Variants in KANK1 observed in about 807,000 individuals in gnomAD.
KANK1 encodes the protein KN motif and ankyrin repeat domain-containing protein 1.
A neutral mutation model predicts 106.2 loss-of-function variants in KANK1; 109 were observed. The observed-to-expected ratio is 1.03, with a 90% CI of 0.88 to 1.20. The LOEUF (loss-of-function observed/expected upper bound fraction) is 1.20, where lower values mean the gene tolerates loss of function less well. Among genes scored for constraint, KANK1 ranks in the 50% most tolerant of loss-of-function variants. The pLI is 0.00. For synonymous variants in KANK1, 873 were observed against 652.2 expected (o/e 1.34, Z -5.16); for missense variants, 2,399 against 1,710.7 (o/e 1.40, Z -7.10).
At chr9:485,624 A>G (rs1397129972) in intron 3 of KANK1, among the ~76,000 whole-genome samples, 1 of 152,106 alleles carries the variant, frequency 6.6e-6, no homozygotes, top group Non-Finnish European at 1.5e-5. Flanking sequence ...TGTAATCCCA[A>G]CACTTTGAGA....
intron 1 of KANK1, among the ~76,000 whole-genome samples, chr9:670,510 G>A (rs890683292): frequency 6.6e-6 from 1 of 152,160 alleles, no homozygotes; most frequent in Non-Finnish European, 1.5e-5. Context: ...TGCCTGGCTG[G>A]AATGGGGGAG....
At chr9:714,901 C>T (rs1287975700) in intron 3 of KANK1, among the ~76,000 whole-genome samples, 1 of 152,182 alleles carries the variant, frequency 6.6e-6, no homozygotes, top group Non-Finnish European at 1.5e-5. Context: ...GTTTCTGGCT[C>T]TCCAATTCTC....
intron 1 of KANK1, among the ~76,000 whole-genome samples, chr9:505,547 C>G (rs373195003): frequency 6.6e-6 from 1 of 152,216 alleles, no homozygotes; most frequent in East Asian, 1.9e-4. Context: ...GCTCCTTGAC[C>G]GTTCATCTCC....
chr9:731,493 C>T (rs1024421853), intron 5 of KANK1: 6 of 385,300 alleles, frequency 1.6e-5, no homozygotes, highest in African/African-American at 8.3e-5. Flanking sequence ...GAGCGGTTTA[C>T]ATCTCCTCAC....
intron 1 of KANK1, among the ~76,000 whole-genome samples, chr9:508,990 T>C (rs1587352266): frequency 6.6e-6 from 1 of 152,378 alleles, no homozygotes; most frequent in African/African-American, 2.4e-5. Context: ...TCTGAAGTGG[T>C]TGTAGAGTTT....
chr9:493,868 T>C (rs1165695318), intron 3 of KANK1, among the ~76,000 whole-genome samples: 1 of 148,884 alleles, frequency 6.7e-6, no homozygotes, highest in Admixed American at 6.7e-5. Context: ...TAGCAATAAA[T>C]ACTAATAGTT....
chr9:634,036 A>G (rs1256588556), intron 1 of KANK1, among the ~76,000 whole-genome samples: 1 of 152,250 alleles, frequency 6.6e-6, no homozygotes, highest in African/African-American at 2.4e-5. Context: ...TCATAAGTTC[A>G]GAAATGAACT....
intron 2 of KANK1, among the ~76,000 whole-genome samples, chr9:697,301 C>CAGAT (rs1821559507): frequency 6.6e-6 from 1 of 152,138 alleles, no homozygotes. Flanking sequence ...CTTCCCCATG[C>CAGAT]AGATACATGA....
In KANK1 at chr9:711,702, C is replaced by T. The variant is rs183140187; in HGVS notation, c.936C>T (p.Ser312=). The T allele has an allele frequency of 1.2e-6, 2 of 1,614,182 alleles. No homozygotes were observed. The highest frequency in any genetic ancestry group is 1.7e-5 in the Admixed American group (1 of 60,020). ...VSQLKNQRAA[S]QINVCGVRKR... is the part of the protein sequence containing the mutation. ...AGCTGAAAAACCAAAGGGCTGCATC[C>T]CAGATCAATGTCTGTGGTGTGAGGA... The change falls in exon 3 of 12, where the codon TCC becomes TCT. Residue 312 remains serine, a synonymous_variant. Coordinates refer to ENST00000382297, the MANE Select transcript of KANK1 (RefSeq NM_015158.5).
At chr9:722,677 T>C (rs1056340576) in intron 3 of KANK1, among the ~76,000 whole-genome samples, 4 of 152,332 alleles carry the variant, frequency 2.6e-5, no homozygotes, top group East Asian at 1.9e-4. Flanking sequence ...TCTGGCAATA[T>C]AGGTGACCAA....
Position 630,863 on chromosome 9 carries a change from G to A in KANK1, c.-83-46027G>A, listed in dbSNP as rs547982485. 2.6e-4 allele frequency among the ~76,000 whole-genome samples: 39 copies of A among 152,230 alleles called. No individual in the cohort carries two copies. In the South Asian group the frequency reaches 7.3e-3, roughly 28 times the overall value. On this transcript the variant is annotated intron_variant, in intron 1 of 11. Transcript: ENST00000382297. The stretch of plus-strand genomic sequence containing the variant: ...GGAGCTCCTTGGGAGGCTGAGGCAC[G>A]AGAATCACTTGAACCCGGGATGTAG...
At chr9:554,112 C>T (rs1213167840) in intron 1 of KANK1, among the ~76,000 whole-genome samples, 1 of 152,140 alleles carries the variant, frequency 6.6e-6, no homozygotes, top group African/African-American at 2.4e-5. Context: ...TAGGAATTGG[C>T]TCATGTGATT....
intron 2 of KANK1, chr9:684,210 G>C (rs1818108238): frequency 1.0e-6 from 1 of 985,380 alleles, no homozygotes; most frequent in Non-Finnish European, 1.2e-6. Context: ...AATGGCTTAA[G>C]CATCAGATTT....
chr9:592,345 GA>G (rs1825135648), intron 1 of KANK1, among the ~76,000 whole-genome samples: 1 of 151,794 alleles, frequency 6.6e-6, no homozygotes, highest in Non-Finnish European at 1.5e-5. Context: ...GAAGCCGGGG[GA>G]GGGGGAACCA....
At chr9:609,805 A>T (rs990282448) in intron 1 of KANK1, among the ~76,000 whole-genome samples, 2 of 152,108 alleles carry the variant, frequency 1.3e-5, no homozygotes, top group Admixed American at 6.5e-5. Flanking sequence ...TGGCAAAATT[A>T]TTTTTTCTCA....
At chr9:597,087 T>A (rs1826404409) in intron 1 of KANK1, among the ~76,000 whole-genome samples, 1 of 151,970 alleles carries the variant, frequency 6.6e-6, no homozygotes, top group Admixed American at 6.5e-5. Flanking sequence ...GAATAGTCCA[T>A]GGTACGGATA....
At chr9:624,341 C>T (rs1488452204) in intron 1 of KANK1, among the ~76,000 whole-genome samples, 1 of 152,060 alleles carries the variant, frequency 6.6e-6, no homozygotes, top group Non-Finnish European at 1.5e-5. Context: ...CAGAGGGTAA[C>T]TATGTGTGAT....
chr9:738,271 T>A lies in KANK1; in HGVS notation c.3334-14T>A. The A allele has an allele frequency of 6.2e-7, 1 of 1,604,660 alleles. No individual in the cohort carries two copies. Among genetic ancestry groups the A allele is most frequent in the Non-Finnish European group, 8.5e-7 (1 of 1,174,522 alleles). ...ATAAATAGAAGAACTAACGACCACT[T>A]GGTGTTTTGGCAGAGGTTCTGTCTG... On this transcript the variant is annotated splice_polypyrimidine_tract_variant and intron_variant, in intron 7 of 11. Transcript: ENST00000382297.
At chr9:694,942 G>A (rs999823902) in intron 2 of KANK1, among the ~76,000 whole-genome samples, 3 of 152,134 alleles carry the variant, frequency 2.0e-5, no homozygotes, top group African/African-American at 7.2e-5. Context: ...TTCATGCCAT[G>A]TTAAGAAATT....
Sources: gnomAD v4.1 joint callset for allele counts (sites outside exome capture counted in the v4.1 genomes callset) on GRCh38, gnomAD v4.1.1 for gene constraint, MANE v1.5 for transcripts, NCBI Gene and HGNC (gene_info 2026-07-23, HGNC 2026-07-21) for gene names.